The following CNST variants were observed in gnomAD, a reference collection of about 807,000 sequenced individuals.
The protein encoded by CNST is consortin.
A neutral mutation model predicts 72.4 loss-of-function variants in CNST; 39 were observed. The observed-to-expected ratio is 0.54, with a 90% CI of 0.42 to 0.70. CNST has a LOEUF of 0.70. Among genes scored for constraint, CNST ranks in the 30% least tolerant of loss-of-function variants. CNST has a pLI of 0.00. For synonymous variants in CNST, 332 were observed against 320.1 expected, an observed-to-expected ratio of 1.04 and a Z score of -0.40; for missense variants, 871 against 868.5, an observed-to-expected ratio of 1.00 and a Z score of -0.04.
At chr1:246,658,857 C>T (rs1666908994) in intron 9 of CNST, among the ~76,000 whole-genome samples, 1 of 152,156 alleles carries the variant, frequency 6.6e-6, no homozygotes, top group Non-Finnish European at 1.5e-5. Context: ...TGTGACTGGC[C>T]CTGCTGTTCA....
intron 1 of CNST, among the ~76,000 whole-genome samples, chr1:246,579,580 G>A (rs1300643549): frequency 6.6e-6 from 1 of 152,112 alleles, no homozygotes; most frequent in Admixed American, 6.6e-5. Flanking sequence ...ACCAGCCCAG[G>A]AAACATGGTA....
intron 2 of CNST, among the ~76,000 whole-genome samples, chr1:246,601,476 G>T (rs749525156): frequency 2.0e-5 from 3 of 151,944 alleles, no homozygotes; most frequent in Non-Finnish European, 4.4e-5. Context: ...ACCCCTGGTG[G>T]AGTCCAGTGG....
At chr1:246,627,598 G>A (rs1296078384) in intron 3 of CNST, among the ~76,000 whole-genome samples, 1 of 152,240 alleles carries the variant, frequency 6.6e-6, no homozygotes, top group Admixed American at 6.5e-5. Flanking sequence ...CCAGGAAGGA[G>A]AGGGTAACCA....
At chr1:246,611,464 A>T (rs1270638377) in intron 2 of CNST, among the ~76,000 whole-genome samples, 1 of 152,156 alleles carries the variant, frequency 6.6e-6, no homozygotes, top group African/African-American at 2.4e-5. Context: ...GCCCAGAGGG[A>T]TGGAATTAGA....
At chr1:246,634,295 GGAT>G (rs1191902900) in intron 5 of CNST, 175 bp from the exon 6 acceptor site, 1 of 568,254 alleles carries the variant, frequency 1.8e-6, no homozygotes, top group East Asian at 2.9e-5. Context: ...TTAGTCTCTA[GGAT>G]GATATTTACT....
intron 2 of CNST, among the ~76,000 whole-genome samples, chr1:246,601,780 G>A (rs1305323227): frequency 6.6e-6 from 1 of 152,100 alleles, no homozygotes; most frequent in Non-Finnish European, 1.5e-5. Context: ...GGCAACAAGA[G>A]CGAAACTCAG....
At chr1:246,627,813 A>G (rs1258392882) in intron 3 of CNST, among the ~76,000 whole-genome samples, 2 of 150,900 alleles carry the variant, frequency 1.3e-5, no homozygotes, top group East Asian at 3.9e-4. Flanking sequence ...TGGATGTGAG[A>G]TCTTTGGAAG....
rs374671563 is a variant in CNST at position 246,591,745 on chromosome 1, C to G, written c.183C>G (p.Pro61=). Residue 61 remains proline, a synonymous_variant, in exon 2 of 11, where the codon CCC becomes CCG. Transcript: ENST00000366513. ...LTSSDSAMGK[P]QVSEQDSLNN... is the part of the protein sequence containing the mutation. The stretch of plus-strand genomic sequence containing the variant: ...GCAGTGACAGTGCGATGGGAAAGCC[C>G]CAAGTGTCTGAGCAGGACAGTCTCA... 4 of 1,614,138 alleles carry G rather than the reference C, an allele frequency of 2.5e-6. No homozygotes were observed. The South Asian group carries it at 4.4e-5, about 18-fold the overall frequency.
intron 9 of CNST, among the ~76,000 whole-genome samples, chr1:246,657,993 G>A (rs1158296421): frequency 6.6e-6 from 1 of 152,056 alleles, no homozygotes; most frequent in East Asian, 1.9e-4. Flanking sequence ...TAGTTAAAAC[G>A]GCACCTTGAA....
intron 10 of CNST, among the ~76,000 whole-genome samples, chr1:246,661,924 A>G (rs780191380): frequency 6.6e-6 from 1 of 152,202 alleles, no homozygotes; most frequent in Non-Finnish European, 1.5e-5. Flanking sequence ...TCTTCTCCAG[A>G]TAAGGTGCTC....
intron 1 of CNST, among the ~76,000 whole-genome samples, chr1:246,567,792 A>G (rs986385781): frequency 3.6e-4 from 54 of 152,104 alleles, no homozygotes; most frequent in African/African-American, 1.1e-3. Flanking sequence ...CTCACTGACA[A>G]TTTTCTAGAG....
At chr1:246,633,570 G>A (rs775325564) in intron 4 of CNST, among the ~76,000 whole-genome samples, 5 of 151,668 alleles carry the variant, frequency 3.3e-5, no homozygotes, top group Admixed American at 6.6e-5. Context: ...GTGAAACCCC[G>A]TCTCTACTAA....
Position 246,566,489 on chromosome 1 carries a change from C to T in CNST, c.-226C>T, listed in dbSNP as rs1659689259. 2 of 441,950 alleles carry T rather than the reference C, an allele frequency of 4.5e-6. No individual in the cohort carries two copies. Among genetic ancestry groups the T allele is most frequent in the Non-Finnish European group, 8.0e-6 (2 of 248,452 alleles). The allele number at this position is 441,950 out of a possible 1,614,324, so 27.4% of individuals were successfully genotyped here. ...GGGCCGCCAGCCTCCAGCCGGCCAG[C>T]CGCGAGGGGTGCGCAGAGGGAGGCG... On this transcript the variant is annotated 5_prime_UTR_variant, in exon 1 of 11. Transcript: ENST00000366513.
chr1:246,654,780 A>G (rs990226809), intron 9 of CNST, among the ~76,000 whole-genome samples: 1 of 151,888 alleles, frequency 6.6e-6, no homozygotes, highest in Non-Finnish European at 1.5e-5. Context: ...TTACTCAAAC[A>G]AGTATTTGCT....
At chr1:246,614,321 T>A (rs1303747394) in intron 2 of CNST, among the ~76,000 whole-genome samples, 4 of 152,112 alleles carry the variant, frequency 2.6e-5, no homozygotes, top group Non-Finnish European at 4.4e-5. Flanking sequence ...TGAAGTTAGG[T>A]ATAGAATTTT....
At chr1:246,585,418 G>A (rs866382448) in intron 1 of CNST, among the ~76,000 whole-genome samples, 5 of 151,834 alleles carry the variant, frequency 3.3e-5, no homozygotes, top group South Asian at 2.1e-4. Flanking sequence ...AGGCCGAGGC[G>A]GGCAAATCAC....
At chr1:246,645,654 C>T (rs1029667119) in intron 8 of CNST, among the ~76,000 whole-genome samples, 8 of 151,966 alleles carry the variant, frequency 5.3e-5, no homozygotes, top group Admixed American at 5.2e-4. Context: ...GTCTCGATCT[C>T]CTGACCTCGT....
intron 6 of CNST, among the ~76,000 whole-genome samples, chr1:246,637,180 C>T (rs1006735954): frequency 6.6e-5 from 10 of 152,166 alleles, no homozygotes; most frequent in African/African-American, 2.4e-4. Flanking sequence ...GAAGAAGTAG[C>T]CTTTGGGGTG....
Position 246,631,793 on chromosome 1 carries a change from A to C in CNST, c.586-101A>C, listed in dbSNP as rs550430413. 5 of 808,620 alleles carry C rather than the reference A, an allele frequency of 6.2e-6. No homozygotes were observed. The East Asian group carries it at 1.2e-4, about 20-fold the overall frequency. The allele number at this position is 808,620 out of a possible 1,614,324, so 50.1% of individuals were successfully genotyped here. On this transcript the variant is annotated intron_variant, in intron 3 of 10. Coordinates refer to ENST00000366513, the MANE Select transcript of CNST (RefSeq NM_152609.3). The stretch of plus-strand genomic sequence containing the variant: ...AAAAAAAGAGTTTTCTTAATTTGAT[A>C]TCAAAAACATTTGGAATTTCAAGAT...
Sources: allele counts gnomAD v4.1 joint callset (sites outside exome capture counted in the v4.1 genomes callset), GRCh38; gene constraint gnomAD v4.1.1; transcripts MANE v1.5; gene names NCBI Gene and HGNC (gene_info 2026-07-23, HGNC 2026-07-21).